Variants in PRKCE observed in about 807,000 individuals in gnomAD.
PRKCE encodes protein kinase C epsilon.
In PRKCE, 16 loss-of-function variants were observed where a neutral mutation model predicts 85.4. The ratio of observed to expected loss-of-function variants is 0.19; its 90% CI spans 0.13 to 0.28. PRKCE has a LOEUF of 0.28. Ranked by LOEUF, PRKCE falls within the 10% of genes least tolerant of loss-of-function variation. The pLI, the probability that PRKCE is intolerant of heterozygous loss-of-function variation, is 1.00. For synonymous variants in PRKCE, 388 were observed against 371.5 expected (o/e 1.04, Z -0.51); for missense variants, 573 against 975.2 (o/e 0.59, Z 5.49).
intron 1 of PRKCE, among the ~76,000 whole-genome samples, chr2:45,758,488 T>G (rs927167224): frequency 6.8e-6 from 1 of 148,046 alleles, no homozygotes; most frequent in Non-Finnish European, 1.5e-5. Flanking sequence ...GTCTTTGCAC[T>G]TGCTGAGACA....
chr2:46,158,156 G>A (rs1016011559), intron 13 of PRKCE, among the ~76,000 whole-genome samples: 3 of 152,206 alleles, frequency 2.0e-5, no homozygotes, highest in African/African-American at 7.2e-5. Flanking sequence ...GGGAAGAGAT[G>A]TTTAGACAAA....
chr2:45,739,569 A>T (rs1018238398), intron 1 of PRKCE, among the ~76,000 whole-genome samples: 5 of 152,180 alleles, frequency 3.3e-5, no homozygotes, highest in Non-Finnish European at 5.9e-5. Flanking sequence ...ATATAAAAAA[A>T]ATTATGTTCA....
At chr2:46,109,993 A>G (rs1301122745) in intron 11 of PRKCE, among the ~76,000 whole-genome samples, 1 of 152,120 alleles carries the variant, frequency 6.6e-6, no homozygotes, top group Non-Finnish European at 1.5e-5. Context: ...TTGATACGGC[A>G]GACTACATTG....
intron 1 of PRKCE, among the ~76,000 whole-genome samples, chr2:45,671,499 A>G (rs552567808): frequency 2.0e-5 from 3 of 152,306 alleles, no homozygotes; most frequent in South Asian, 2.1e-4. Flanking sequence ...TTTAAGCTCT[A>G]TTTAAAAAGG....
chr2:45,720,828 G>A (rs2104456806), intron 1 of PRKCE, among the ~76,000 whole-genome samples: 1 of 152,258 alleles, frequency 6.6e-6, no homozygotes, highest in South Asian at 2.1e-4. Flanking sequence ...TCCTGAGCTG[G>A]CCAGGCACAG....
intron 1 of PRKCE, among the ~76,000 whole-genome samples, chr2:45,836,896 G>A (rs763220323): frequency 2.0e-5 from 3 of 152,138 alleles, no homozygotes; most frequent in African/African-American, 7.2e-5. Context: ...CTCTCTCCAC[G>A]CCTTTGTGCC....
intron 2 of PRKCE, among the ~76,000 whole-genome samples, chr2:45,876,458 A>G (rs1694488356): frequency 6.6e-6 from 1 of 152,218 alleles, no homozygotes; most frequent in Non-Finnish European, 1.5e-5. Context: ...GTTTAAATTT[A>G]TAGTCTTGCA....
chr2:46,156,349 G>A (rs1017451933), intron 13 of PRKCE, among the ~76,000 whole-genome samples: 1 of 152,080 alleles, frequency 6.6e-6, no homozygotes, highest in African/African-American at 2.4e-5. Flanking sequence ...CACTGTCAGA[G>A]CCTGCTGTGC....
At chr2:45,833,149 A>AG (rs1553425224) in intron 1 of PRKCE, among the ~76,000 whole-genome samples, 1 of 151,842 alleles carries the variant, frequency 6.6e-6, no homozygotes, top group South Asian at 2.1e-4. Context: ...AAAAAAAAAA[A>AG]AAAAGAAAAG....
intron 1 of PRKCE, among the ~76,000 whole-genome samples, chr2:45,738,034 GTCC>G (rs1213037764): frequency 1.3e-5 from 2 of 151,888 alleles, no homozygotes; most frequent in African/African-American, 4.8e-5. Flanking sequence ...CTATGCCAGC[GTCC>G]TCCTCTCCAC....
At chr2:45,829,704 G>A (rs1210266484) in intron 1 of PRKCE, among the ~76,000 whole-genome samples, 1 of 152,184 alleles carries the variant, frequency 6.6e-6, no homozygotes, top group Non-Finnish European at 1.5e-5. Context: ...AAAAACAAGT[G>A]ACCTTTGGAA....
At chr2:45,993,938 C>T (rs1026036126) in intron 6 of PRKCE, among the ~76,000 whole-genome samples, 16 of 152,092 alleles carry the variant, frequency 1.1e-4, no homozygotes, top group Non-Finnish European at 5.9e-5. Context: ...CTGCCACCAC[C>T]TCACCCCACC....
intron 11 of PRKCE, among the ~76,000 whole-genome samples, chr2:46,103,716 T>C (rs1010879425): frequency 5.3e-5 from 8 of 152,212 alleles, no homozygotes; most frequent in Non-Finnish European, 1.2e-4. Context: ...TTATATACTA[T>C]ATTCTTAAAA....
At chr2:45,939,561 CTT>C in intron 2 of PRKCE, among the ~76,000 whole-genome samples, 1 of 148,896 alleles carries the variant, frequency 6.7e-6, no homozygotes, top group African/African-American at 2.5e-5. Flanking sequence ...AGTTAATGCA[CTT>C]TTTTTTTTTT....
chr2:45,833,138 C>CAA lies in PRKCE; in HGVS notation c.349-9848_349-9847dup, dbSNP rs35838849. On this transcript the variant is annotated intron_variant, in intron 1 of 14. Transcript: ENST00000306156. The stretch of plus-strand genomic sequence containing the variant: ...TTCAAGACCAGCCTGGGCAACATGG[C>CAA]AAAAAAAAAAAAAAAGAAAAGAAAA... Among the ~76,000 whole-genome samples, 74 of 120,162 alleles carry CAA rather than the reference C, an allele frequency of 6.2e-4. 1 individual carries two copies. Among genetic ancestry groups the CAA allele is most frequent in the South Asian group, 4.1e-3 (15 of 3,656 alleles). The allele number at this position is 120,162 out of a possible 152,430, so 78.8% of individuals were successfully genotyped here. A position where few individuals can be genotyped will look rare whatever the true frequency, so the allele number is the denominator to read the frequency against.
At chr2:45,661,251 C>G (rs902165606) in intron 1 of PRKCE, among the ~76,000 whole-genome samples, 10 of 148,988 alleles carry the variant, frequency 6.7e-5, no homozygotes, top group African/African-American at 2.5e-4. Context: ...GGCATGATAT[C>G]GGATCACTGC....
rs1680521991 is a variant in PRKCE at position 46,187,394 on chromosome 2, G to C, written c.*2513G>C. 6.6e-6 allele frequency: 1 copy of C among 152,446 alleles called. No homozygotes were observed. Among genetic ancestry groups the C allele is most frequent in the Non-Finnish European group, 1.5e-5 (1 of 68,040 alleles). 9.4% of individuals were successfully genotyped at this position (152,446 alleles called of 1,614,324 possible). ...CTCTGGCTGGTGAAGTTCTCACATA[G>C]GCTGATTTAAATCCAGCAAAGGTCT... is the stretch of plus-strand genomic sequence containing the variant. On this transcript the variant is annotated 3_prime_UTR_variant, in exon 15 of 15. Transcript: ENST00000306156.
At chr2:46,070,780 T>C (rs933091909) in intron 10 of PRKCE, among the ~76,000 whole-genome samples, 2 of 152,240 alleles carry the variant, frequency 1.3e-5, no homozygotes, top group African/African-American at 4.8e-5. Context: ...GCTGTGCTAC[T>C]TACTAGTTCC....
intron 1 of PRKCE, among the ~76,000 whole-genome samples, chr2:45,654,239 A>G (rs1473006153): frequency 2.0e-5 from 3 of 152,226 alleles, no homozygotes; most frequent in Non-Finnish European, 4.4e-5. Context: ...GTGTCTTTGT[A>G]TCTCTGGTGA....
Sources: gnomAD v4.1 joint callset for allele counts (sites outside exome capture counted in the v4.1 genomes callset) on GRCh38, gnomAD v4.1.1 for gene constraint, MANE v1.5 for transcripts, NCBI Gene and HGNC (gene_info 2026-07-23, HGNC 2026-07-21) for gene names.